The following CDCA7L variants were observed in gnomAD, a reference collection of about 807,000 sequenced individuals.
CDCA7L encodes the protein cell division cycle-associated 7-like protein.
In CDCA7L, 44 loss-of-function variants were observed where a neutral mutation model predicts 57.4. The observed-to-expected ratio is 0.77, with a 90% CI of 0.60 to 0.98. The LOEUF is 0.98. CDCA7L is among the 50% of genes least tolerant of loss of function. CDCA7L has a pLI of 0.00. For missense variants in CDCA7L, 644 were observed against 580.6 expected (o/e 1.11, Z -1.12); for synonymous variants, 236 against 202.8 (o/e 1.16, Z -1.39).
rs1392979308 is a variant in CDCA7L, at chr7:21,906,433, G to C, written c.777C>G (p.Ala259=). The change falls in exon 6 of 10, where the codon GCC becomes GCG. Residue 259 remains alanine (A), a synonymous_variant. Coordinates refer to ENST00000406877, the MANE Select transcript of CDCA7L (RefSeq NM_018719.5). ...GCCGCGTGATCTGTCCCTCCGAGAAGGCCCGCCTCACTGTCTTCTTCCTCT... is the reference window on the plus strand; with the variant it reads ...GCCGCGTGATCTGTCCCTCCGAGAACGCCCGCCTCACTGTCTTCTTCCTCT... ...SASRKKTVRR[A]FSEGQITRRM... 1 of 1,610,542 alleles carries C rather than the reference G, an allele frequency of 6.2e-7. No individual in the cohort carries two copies. The highest frequency in any genetic ancestry group is 1.3e-5 in the African/African-American group (1 of 74,676).
At chr7:21,942,484 G>A (rs1295964930) in intron 1 of CDCA7L, among the ~76,000 whole-genome samples, 3 of 152,080 alleles carry the variant, frequency 2.0e-5, no homozygotes, top group African/African-American at 7.2e-5. Flanking sequence ...GAATAAAGCC[G>A]AGTCTTTTCT....
chr7:21,913,008 T>G (rs931446712), intron 2 of CDCA7L, among the ~76,000 whole-genome samples: 15 of 152,060 alleles, frequency 9.9e-5, no homozygotes, highest in African/African-American at 3.4e-4. Flanking sequence ...CTAGAGTCTG[T>G]CCCCAGTTTC....
intron 1 of CDCA7L, among the ~76,000 whole-genome samples, chr7:21,936,461 GGATTATACAA>G (rs1786169391): frequency 2.6e-5 from 4 of 152,124 alleles, no homozygotes; most frequent in African/African-American, 9.6e-5. Context: ...TGTAGCAAAA[GGATTATACAA>G]GATCACCAAG....
At chr7:21,942,028 A>C (rs1333403466) in intron 1 of CDCA7L, among the ~76,000 whole-genome samples, 1 of 152,110 alleles carries the variant, frequency 6.6e-6, no homozygotes, top group Non-Finnish European at 1.5e-5. Context: ...TCTGGTAGAG[A>C]GTGTGGGGAA....
intron 8 of CDCA7L, chr7:21,903,748 T>C (rs796954687): frequency 9.7e-5 from 19 of 195,082 alleles, no homozygotes; most frequent in African/African-American, 4.2e-4. Flanking sequence ...GAGAGCACTC[T>C]ATACTGCAAT....
At position 21,929,631 on chromosome 7, in the gene CDCA7L, C is replaced by CAAAAAAAA. The variant is rs57283961; in HGVS notation, c.25-12745_25-12738dup. Reference sequence around the variant, plus strand: ...GGAATATTATCCAGCAAATGGAAAGCAAAAAAAAAAAAAAAAAAAAAAAAA... The same window carrying CAAAAAAAA: ...GGAATATTATCCAGCAAATGGAAAGCAAAAAAAAAAAAAAAAAAAAAAAAAAAAAAAAA... On this transcript the variant is annotated intron_variant, in intron 1 of 9. Transcript: ENST00000406877. 5.4e-4 allele frequency among the ~76,000 whole-genome samples: 19 copies of CAAAAAAAA among 35,510 alleles called. 1 individual carries two copies. The highest frequency in any genetic ancestry group is 2.3e-3 in the African/African-American group (15 of 6,548). 23.3% of individuals were successfully genotyped at this position (35,510 alleles called of 152,430 possible).
At chr7:21,908,009 T>C (rs1785193365) in intron 4 of CDCA7L, 121 bp downstream of exon 4, 2 of 1,035,766 alleles carry the variant, frequency 1.9e-6, no homozygotes, top group East Asian at 2.7e-5. Flanking sequence ...ACCCAGAGTA[T>C]ATTTTCTTGA....
At chr7:21,925,504 C>T (rs1043565079) in intron 1 of CDCA7L, among the ~76,000 whole-genome samples, 1 of 152,106 alleles carries the variant, frequency 6.6e-6, no homozygotes, top group African/African-American at 2.4e-5. Flanking sequence ...AAATTAAATA[C>T]AGTGCAATTT....
At chr7:21,933,873 T>A (rs1258508976) in intron 1 of CDCA7L, among the ~76,000 whole-genome samples, 1 of 152,110 alleles carries the variant, frequency 6.6e-6, no homozygotes, top group Non-Finnish European at 1.5e-5. Flanking sequence ...TAGGATGATT[T>A]ATTTGTAACA....
chr7:21,913,915 T>C (rs1785405442), intron 2 of CDCA7L, among the ~76,000 whole-genome samples: 2 of 152,222 alleles, frequency 1.3e-5, no homozygotes, highest in Non-Finnish European at 2.9e-5. Context: ...TGTGGGTCTG[T>C]ATGATGCCAA....
At chr7:21,906,885 C>G (rs1436575524) in intron 4 of CDCA7L, among the ~76,000 whole-genome samples, 1 of 152,192 alleles carries the variant, frequency 6.6e-6, no homozygotes, top group African/African-American at 2.4e-5. Context: ...CAACACAACA[C>G]TATGAAAACA....
Position 21,901,358 on chromosome 7 carries a change from AC to A in CDCA7L, c.*963del. ...CATTATTCTAACTTTTTAGTAACTC[AC>A]ACGTGCATTCTTTTTTCAACGCTAT... is the stretch of plus-strand genomic sequence containing the variant. On this transcript the variant is annotated 3_prime_UTR_variant, in exon 10 of 10. Transcript: ENST00000406877. 7.3e-7 allele frequency: 1 copy of A among 1,369,946 alleles called. No individual in the cohort carries two copies. The highest frequency in any genetic ancestry group is 9.5e-7 in the Non-Finnish European group (1 of 1,050,572). 84.9% of individuals were successfully genotyped at this position (1,369,946 alleles called of 1,614,324 possible).
intron 1 of CDCA7L, among the ~76,000 whole-genome samples, chr7:21,929,976 C>T (rs1204374700): frequency 6.6e-6 from 1 of 152,182 alleles, no homozygotes; most frequent in East Asian, 1.9e-4. Context: ...ACCTAATAGA[C>T]ATCTACAGAA....
intron 4 of CDCA7L, 24 bp downstream of exon 4, chr7:21,908,102 TCCCA>T: frequency 6.7e-7 from 1 of 1,495,190 alleles, no homozygotes; most frequent in Non-Finnish European, 8.8e-7. Flanking sequence ...TGGTGCCAAC[TCCCA>T]GGACGCCCTC....
intron 1 of CDCA7L, among the ~76,000 whole-genome samples, chr7:21,923,136 GATTTT>G (rs1273601523): frequency 5.3e-5 from 8 of 152,136 alleles, no homozygotes; most frequent in African/African-American, 1.9e-4. Flanking sequence ...TAAGATAGGA[GATTTT>G]ATGTTATATG....
chr7:21,908,359 T>C lies in CDCA7L; in HGVS notation c.452A>G (p.Lys151Arg). Residue 151 changes from lysine (K) to arginine (R), a missense_variant, in exon 4 of 10, where the codon AAG becomes AGG. Transcript: ENST00000406877. ...TTTATCTGGTTTGTTGGCCAGCTTC[T>C]TGGTGGGGAACTGAAAGGCTACTCG... ...GLRVAFQFPT[K>R]KLANKPDKNS... 6.2e-7 allele frequency: 1 copy of C among 1,610,768 alleles called. No homozygotes were observed. Among genetic ancestry groups the C allele is most frequent in the Non-Finnish European group, 8.5e-7 (1 of 1,179,136 alleles).
In CDCA7L at chr7:21,906,579, T is replaced by C. The variant is rs567337409; in HGVS notation, c.742A>G (p.Thr248Ala). The C allele has an allele frequency of 4.3e-6, 7 of 1,614,030 alleles. No homozygotes were observed. The highest frequency in any genetic ancestry group is 1.7e-5 in the Admixed American group (1 of 60,010). Residue 248 changes from threonine to alanine, a missense_variant, in exon 5 of 10, where the codon ACC (threonine) becomes GCC (alanine). Coordinates refer to ENST00000406877, the MANE Select transcript of CDCA7L (RefSeq NM_018719.5). ...GGAGTTCTACTTACAGAAGCTGAGG[T>C]TGGGGTTCGTACTGGGAAGAAATCT... ...MPDFFPVRTP[T>A]SASRKKTVRR...
intron 1 of CDCA7L, among the ~76,000 whole-genome samples, chr7:21,924,535 G>C (rs1201769568): frequency 6.6e-6 from 1 of 152,098 alleles, no homozygotes; most frequent in Non-Finnish European, 1.5e-5. Flanking sequence ...TCATTTCTTT[G>C]AATTTTTTAC....
intron 7 of CDCA7L, among the ~76,000 whole-genome samples, chr7:21,905,187 A>G (rs1468130501): frequency 6.6e-6 from 1 of 152,102 alleles, no homozygotes; most frequent in Non-Finnish European, 1.5e-5. Flanking sequence ...CCCCCCAAAT[A>G]TACTTTTTTC....
Sources: gnomAD v4.1 joint callset for allele counts (sites outside exome capture counted in the v4.1 genomes callset) on GRCh38, gnomAD v4.1.1 for gene constraint, MANE v1.5 for transcripts, NCBI Gene and HGNC (gene_info 2026-07-23, HGNC 2026-07-21) for gene names.